The following TNNI3K variants were observed in gnomAD, a reference collection of about 807,000 sequenced individuals.
The protein encoded by TNNI3K is TNNI3 interacting kinase.
TNNI3K carries 140 observed loss-of-function variants against 114.5 expected under a neutral mutation model. That is an observed-to-expected ratio of 1.22 (90% confidence interval 1.07 to 1.41). TNNI3K has a LOEUF of 1.41. TNNI3K is among the 40% of genes most tolerant of loss of function. The probability of loss-of-function intolerance (pLI) is 0.00; values close to 1 mark genes in which losing one functional copy is unlikely to be tolerated. For missense variants in TNNI3K, 1,125 were observed against 1,007.6 expected (o/e 1.12, Z -1.58); for synonymous variants, 347 against 347.5 (o/e 1.00, Z 0.02).
At chr1:74,434,000 CT>C (rs1666013213) in intron 17 of TNNI3K, among the ~76,000 whole-genome samples, 1 of 152,016 alleles carries the variant, frequency 6.6e-6, no homozygotes, top group Non-Finnish European at 1.5e-5. Context: ...CAGATATAAA[CT>C]GCTCTCAGAT....
chr1:74,321,473 A>G (rs781075406), intron 5 of TNNI3K, among the ~76,000 whole-genome samples: 3 of 152,024 alleles, frequency 2.0e-5, no homozygotes, highest in Non-Finnish European at 2.9e-5. Context: ...TATTACCTCT[A>G]TAAAATGATA....
chr1:74,540,402 T>C, intron 24 of TNNI3K, 89 bp downstream of exon 24: 4 of 1,207,516 alleles, frequency 3.3e-6, no homozygotes, highest in Non-Finnish European at 4.7e-6. Flanking sequence ...GCATTGCATA[T>C]TGTAATATCC....
chr1:74,481,351 A>G (rs561561282), intron 21 of TNNI3K, among the ~76,000 whole-genome samples: 1 of 152,204 alleles, frequency 6.6e-6, no homozygotes, highest in Non-Finnish European at 1.5e-5. Context: ...GGACAGAATC[A>G]ACTAAGAGCT....
At chr1:74,464,507 T>C (rs1667584291) in intron 21 of TNNI3K, 1 of 1,415,456 alleles carries the variant, frequency 7.1e-7, no homozygotes, top group African/African-American at 1.4e-5. Context: ...CTAGGCACTT[T>C]ATAGCTCTTC....
chr1:74,262,428 G>T (rs1655733707), intron 4 of TNNI3K, among the ~76,000 whole-genome samples: 2 of 151,604 alleles, frequency 1.3e-5, no homozygotes, highest in African/African-American at 4.8e-5. Context: ...TAACTTAAAT[G>T]GATTTTTTAA....
Position 74,323,544 on chromosome 1 carries a change from G to T in TNNI3K, c.445-7906G>T, listed in dbSNP as rs185084503. 3.2e-4 allele frequency among the ~76,000 whole-genome samples: 49 copies of T among 152,228 alleles called. No homozygotes were observed. The South Asian group carries it at 9.1e-3, about 28-fold the overall frequency. ...AATGCAAAGACAATATCAGCCGAGG[G>T]CAAAGGTGGCTGGGAAATAGGGAAA... On this transcript the variant is annotated intron_variant, in intron 5 of 24. Coordinates refer to ENST00000326637, the MANE Select transcript of TNNI3K (RefSeq NM_015978.3).
chr1:74,414,355 A>G (rs756892544), intron 17 of TNNI3K, among the ~76,000 whole-genome samples: 3 of 152,198 alleles, frequency 2.0e-5, no homozygotes, highest in Non-Finnish European at 4.4e-5. Flanking sequence ...TAACAATAAA[A>G]TAAACATAGG....
chr1:74,421,888 T>G (rs530947878), intron 17 of TNNI3K, among the ~76,000 whole-genome samples: 1 of 151,968 alleles, frequency 6.6e-6, no homozygotes, highest in African/African-American at 2.4e-5. Context: ...CCAAGTTGGT[T>G]AAAATTTGAA....
intron 4 of TNNI3K, among the ~76,000 whole-genome samples, chr1:74,262,059 C>CA (rs1553124643): frequency 6.6e-6 from 1 of 151,454 alleles, no homozygotes; most frequent in Non-Finnish European, 1.5e-5. Flanking sequence ...TTTATCCTGA[C>CA]TTTTTTTTTC....
intron 9 of TNNI3K, among the ~76,000 whole-genome samples, chr1:74,348,290 C>T (rs1005842992): frequency 6.6e-6 from 1 of 152,140 alleles, no homozygotes; most frequent in African/African-American, 2.4e-5. Context: ...TCAGGTTTGT[C>T]AAAGATCAGA....
At chr1:74,259,251 T>C (rs1655522079) in intron 4 of TNNI3K, among the ~76,000 whole-genome samples, 1 of 152,192 alleles carries the variant, frequency 6.6e-6, no homozygotes, top group South Asian at 2.1e-4. Context: ...AAGCTGATAG[T>C]ATGATTTGGT....
intron 17 of TNNI3K, among the ~76,000 whole-genome samples, chr1:74,418,832 A>G (rs1036997204): frequency 1.3e-5 from 2 of 151,828 alleles, no homozygotes; most frequent in Non-Finnish European, 2.9e-5. Flanking sequence ...ACCTTCGGTC[A>G]TTGCAATGTT....
chr1:74,364,926 C>G (rs1570526561), intron 11 of TNNI3K, among the ~76,000 whole-genome samples: 1 of 152,012 alleles, frequency 6.6e-6, no homozygotes, highest in African/African-American at 2.4e-5. Context: ...AACTTTTGAC[C>G]TCCAGAATTA....
intron 7 of TNNI3K, among the ~76,000 whole-genome samples, chr1:74,342,358 G>C (rs969028813): frequency 2.6e-5 from 4 of 152,078 alleles, no homozygotes; most frequent in African/African-American, 9.7e-5. Context: ...GCAATTTTCA[G>C]CTAAGGATAT....
Position 74,354,028 on chromosome 1 carries a change from T to G in TNNI3K, c.1076T>G (p.Leu359Ter), listed in dbSNP as rs142183632. Residue 359 changes from leucine to a stop codon, truncating the protein, a stop_gained, in exon 11 of 25, where the codon TTA becomes TGA. Transcript: ENST00000326637. LOFTEE classifies it high-confidence loss of function. ...YHGHIRLVQF[L>*]LDNGADMNLV... ...GGTCACATTCGCCTGGTTCAGTTCT[T>G]ACTGGATAATGGAGCTGATATGAAT... The G allele has an allele frequency of 3.8e-5, 61 of 1,614,160 alleles. No homozygotes were observed. Among genetic ancestry groups the G allele is most frequent in the Non-Finnish European group, 4.9e-5 (58 of 1,180,010 alleles).
At chr1:74,496,348 C>A (rs17095443) in intron 23 of TNNI3K, among the ~76,000 whole-genome samples, 3,105 of 152,266 alleles carry the variant, frequency 0.02, 96 homozygotes, top group African/African-American at 0.071. Context: ...GTACCACTAA[C>A]TTCTGATCTT....
intron 9 of TNNI3K, among the ~76,000 whole-genome samples, chr1:74,344,334 A>C (rs1216490991): frequency 1.3e-5 from 2 of 152,220 alleles, no homozygotes; most frequent in Non-Finnish European, 2.9e-5. Context: ...TCTCTTTTAC[A>C]GAAGAGAAAA....
At chr1:74,441,476 T>A (rs541129290) in intron 20 of TNNI3K, among the ~76,000 whole-genome samples, 1 of 152,168 alleles carries the variant, frequency 6.6e-6, no homozygotes, top group Non-Finnish European at 1.5e-5. Context: ...AGAATAAATC[T>A]GCTCAAATAA....
chr1:74,310,641 T>C (rs1397502694), intron 5 of TNNI3K, among the ~76,000 whole-genome samples: 3 of 152,116 alleles, frequency 2.0e-5, no homozygotes, highest in African/African-American at 7.2e-5. Context: ...CAGAACACAA[T>C]AGAAAACCTA....
Sources: allele counts gnomAD v4.1 joint callset (sites outside exome capture counted in the v4.1 genomes callset), GRCh38; gene constraint gnomAD v4.1.1; transcripts MANE v1.5; gene names NCBI Gene and HGNC (gene_info 2026-07-23, HGNC 2026-07-21).